Variants in KSR2 observed in about 807,000 individuals in gnomAD.
KSR2 encodes the protein kinase suppressor of ras 2.
In KSR2, 25 loss-of-function variants were observed where a neutral mutation model predicts 107.8. That is an observed-to-expected ratio of 0.23 (90% CI 0.17 to 0.32). KSR2 has a LOEUF of 0.32. Ranked by LOEUF, KSR2 falls within the 10% of genes least tolerant of loss-of-function variation. The pLI, the probability that KSR2 is intolerant of heterozygous loss-of-function variation, is 1.00. For synonymous variants in KSR2, 480 were observed against 507.0 expected, an observed-to-expected ratio of 0.95 and a Z score of 0.71; for missense variants, 887 against 1,268.9, an observed-to-expected ratio of 0.70 and a Z score of 4.57.
chr12:117,616,061 G>A (rs1881868531), intron 5 of KSR2, among the ~76,000 whole-genome samples: 1 of 151,648 alleles, frequency 6.6e-6, no homozygotes, highest in East Asian at 1.9e-4. Context: ...GGCTGAGGTG[G>A]GAGGAGGATT....
At position 117,544,385 on chromosome 12, in the gene KSR2, C is replaced by T. The variant is rs145710015; in HGVS notation, c.1519-4498G>A. Among the ~76,000 whole-genome samples the T allele has an allele frequency of 3.8e-3, 579 of 152,050 alleles. 4 individuals are homozygous for T. The highest frequency in any genetic ancestry group is 0.013 in the African/African-American group (539 of 41,476). ...TTGTAATCCTAGCACTTTGGGAGGC[C>T]GAGATGGGCAGATCACAAGGTCAGG... On this transcript the variant is annotated intron_variant, in intron 9 of 19. Transcript: ENST00000339824.
chr12:117,502,277 A>G (rs764733486), intron 14 of KSR2, among the ~76,000 whole-genome samples: 35 of 152,170 alleles, frequency 2.3e-4, no homozygotes, highest in Non-Finnish European at 4.1e-4. Context: ...GGGTCTTTGC[A>G]TTTATGTGCC....
chr12:117,485,755 TTAC>T (rs1872428167), intron 14 of KSR2, 64 bp from the exon 15 acceptor site: 5 of 1,094,574 alleles, frequency 4.6e-6, no homozygotes, highest in South Asian at 3.7e-5. Flanking sequence ...CCCACAACAG[TTAC>T]TACAAGTGAC....
intron 1 of KSR2, among the ~76,000 whole-genome samples, chr12:117,876,570 G>A (rs1182778965): frequency 6.6e-6 from 1 of 152,118 alleles, no homozygotes; most frequent in Non-Finnish European, 1.5e-5. Flanking sequence ...TATATTTAAT[G>A]AGCACTTACT....
chr12:117,814,536 G>A (rs911180178), intron 3 of KSR2, among the ~76,000 whole-genome samples: 4 of 152,050 alleles, frequency 2.6e-5, no homozygotes, highest in African/African-American at 9.7e-5. Flanking sequence ...CTGACAAAGG[G>A]CGGAGATTAA....
chr12:117,721,404 T>A (rs751863688), intron 4 of KSR2, among the ~76,000 whole-genome samples: 1 of 152,190 alleles, frequency 6.6e-6, no homozygotes, highest in South Asian at 2.1e-4. Flanking sequence ...GGCTATATGG[T>A]CAGAATAATA....
At chr12:117,532,969 C>A (rs1238227696) in intron 10 of KSR2, among the ~76,000 whole-genome samples, 1 of 152,158 alleles carries the variant, frequency 6.6e-6, no homozygotes, top group Admixed American at 6.5e-5. Context: ...AGTCTAGAAG[C>A]TGATCCTCTA....
intron 1 of KSR2, among the ~76,000 whole-genome samples, chr12:117,918,036 T>C (rs1462992838): frequency 6.6e-6 from 1 of 152,052 alleles, no homozygotes; most frequent in Non-Finnish European, 1.5e-5. Flanking sequence ...CATCTCTAAC[T>C]CCCCACCTCC....
At chr12:117,688,999 T>C (rs608446) in intron 4 of KSR2, among the ~76,000 whole-genome samples, 150,537 of 152,312 alleles carry the variant, frequency 0.99, 74,398 homozygotes, top group East Asian at 1. Flanking sequence ...GATTCACACA[T>C]ATAGTCAAAT....
At chr12:117,564,467 A>ATGCCCTGCCACCCTCATAG (rs71305655) in intron 7 of KSR2, among the ~76,000 whole-genome samples, 25,057 of 152,222 alleles carry the variant, frequency 0.16, 2,459 homozygotes, top group Middle Eastern at 0.28. Flanking sequence ...CACACAGAAA[A>ATGCCCTGCCACCCTCATAG]AGCCTGCAAA....
In KSR2 at chr12:117,559,398, A is replaced by C. The variant is rs552076028; in HGVS notation, c.1326-825T>G. The stretch of plus-strand genomic sequence containing the variant: ...TATGATCATCATCACAATTCTTCTC[A>C]TCATCTTCCATTTACTTGAAGATTC... On this transcript the variant is annotated intron_variant, in intron 7 of 19. Transcript: ENST00000339824. Among the ~76,000 whole-genome samples, 3 of 152,284 alleles carry C rather than the reference A, an allele frequency of 2.0e-5. No individual in the cohort carries two copies. The East Asian group carries it at 5.8e-4, about 29-fold the overall frequency.
chr12:117,618,835 C>T (rs1316999171), intron 5 of KSR2, among the ~76,000 whole-genome samples: 2 of 152,172 alleles, frequency 1.3e-5, no homozygotes, highest in Admixed American at 1.3e-4. Context: ...AGAAATCACT[C>T]AGTCTCGGAT....
At chr12:117,930,278 C>T (rs1895661178) in intron 1 of KSR2, among the ~76,000 whole-genome samples, 1 of 152,124 alleles carries the variant, frequency 6.6e-6, no homozygotes. Context: ...CAATAATCTG[C>T]CTGCCTCAGC....
intron 4 of KSR2, among the ~76,000 whole-genome samples, chr12:117,670,631 T>C (rs1011887684): frequency 6.6e-6 from 1 of 152,162 alleles, no homozygotes; most frequent in African/African-American, 2.4e-5. Flanking sequence ...TTTTGCTTCA[T>C]CCACCTCTTT....
chr12:117,917,983 A>G (rs1431167936), intron 1 of KSR2, among the ~76,000 whole-genome samples: 1 of 152,244 alleles, frequency 6.6e-6, no homozygotes, highest in Non-Finnish European at 1.5e-5. Context: ...AGAAAACCTC[A>G]GCTGGAACTC....
rs771324043 is a variant in KSR2 at position 117,525,066 on chromosome 12, C to T, written c.2005G>A (p.Gly669Ser). ...AAGCGGCCCTTTCCAATGAGCTCGC[C>T]GATCTCCAGCTGCTCAAAGGGGATG... ...WDIPFEQLEI[G>S]ELIGKGRFGQ... The change falls in exon 14 of 20, where the codon GGC becomes AGC. Residue 669 changes from glycine (G) to serine (S), a missense_variant. Physicochemically the swap from Gly to Ser is moderately conservative, Grantham distance 56. Coordinates refer to ENST00000339824, the MANE Select transcript of KSR2 (RefSeq NM_173598.6). 37 of 1,613,850 alleles carry T rather than the reference C, an allele frequency of 2.3e-5. No homozygotes were observed. Among genetic ancestry groups the T allele is most frequent in the East Asian group, 4.5e-5 (2 of 44,870 alleles).
intron 9 of KSR2, among the ~76,000 whole-genome samples, chr12:117,540,211 G>A (rs972963832): frequency 6.6e-6 from 1 of 152,112 alleles, no homozygotes; most frequent in Non-Finnish European, 1.5e-5. Context: ...ATGCAGAGGT[G>A]TCCAGAGTAC....
At chr12:117,833,655 C>T (rs1344701102) in intron 3 of KSR2, among the ~76,000 whole-genome samples, 1 of 152,140 alleles carries the variant, frequency 6.6e-6, no homozygotes, top group African/African-American at 2.4e-5. Context: ...AAGTATGAGC[C>T]ATTGTGCCTG....
At chr12:117,644,318 T>C (rs946054524) in intron 5 of KSR2, among the ~76,000 whole-genome samples, 29 of 152,174 alleles carry the variant, frequency 1.9e-4, no homozygotes, top group Non-Finnish European at 5.9e-5. Context: ...TTGGATACGG[T>C]TTGAGATGAG....
Sources: allele counts gnomAD v4.1 joint callset (sites outside exome capture counted in the v4.1 genomes callset), GRCh38; gene constraint gnomAD v4.1.1; transcripts MANE v1.5; gene names NCBI Gene and HGNC (gene_info 2026-07-23, HGNC 2026-07-21).